Variants in KATNA1 observed in about 807,000 individuals in gnomAD.
KATNA1 encodes the protein katanin p60 ATPase-containing subunit A1.
Under a neutral mutation model 62.6 loss-of-function variants are expected in KATNA1, and 42 were observed. The ratio of observed to expected loss-of-function variants is 0.67; its 90% CI spans 0.52 to 0.87. The LOEUF is 0.87. KATNA1 is among the 40% of genes least tolerant of loss of function. The pLI, the probability that KATNA1 is intolerant of heterozygous loss-of-function variation, is 0.00. For missense variants in KATNA1, 498 were observed against 612.5 expected (o/e 0.81, Z 1.97); for synonymous variants, 186 against 201.9 (o/e 0.92, Z 0.67).
At chr6:149,609,867 G>A (rs1392540502) in intron 4 of KATNA1, among the ~76,000 whole-genome samples, 2 of 148,590 alleles carry the variant, frequency 1.3e-5, no homozygotes, top group Admixed American at 6.9e-5. Flanking sequence ...TTGGGAGGCC[G>A]AGGCAGGCGA....
chr6:149,644,230 T>C (rs541975155), intron 1 of KATNA1, among the ~76,000 whole-genome samples: 1 of 152,232 alleles, frequency 6.6e-6, no homozygotes, highest in East Asian at 1.9e-4. Flanking sequence ...TGAGCTTGGA[T>C]GTCAAAAGCC....
At chr6:149,647,547 A>G (rs998955178) in intron 1 of KATNA1, among the ~76,000 whole-genome samples, 1 of 138,824 alleles carries the variant, frequency 7.2e-6, no homozygotes, top group African/African-American at 2.7e-5. Context: ...AAAAAAAAAA[A>G]GAACAAAACC....
intron 1 of KATNA1, among the ~76,000 whole-genome samples, chr6:149,646,343 C>A (rs1780488675): frequency 6.6e-6 from 1 of 152,086 alleles, no homozygotes; most frequent in Non-Finnish European, 1.5e-5. Flanking sequence ...TTTTTAAATA[C>A]CTCTCTGTAA....
At chr6:149,619,411 G>C (rs1192158454) in intron 4 of KATNA1, among the ~76,000 whole-genome samples, 2 of 152,106 alleles carry the variant, frequency 1.3e-5, no homozygotes, top group African/African-American at 2.4e-5. Context: ...TCAGGGGTTC[G>C]AGACCAGACT....
chr6:149,635,493 G>A (rs911552232), intron 2 of KATNA1, among the ~76,000 whole-genome samples: 3 of 152,136 alleles, frequency 2.0e-5, no homozygotes, highest in African/African-American at 7.2e-5. Flanking sequence ...ATCACCTGAG[G>A]TCAGGAGTTC....
At chr6:149,640,046 G>A (rs1025358258) in intron 1 of KATNA1, among the ~76,000 whole-genome samples, 1 of 152,118 alleles carries the variant, frequency 6.6e-6, no homozygotes. Context: ...CCTTAATCAA[G>A]TCCCTTAACT....
In KATNA1 at chr6:149,632,785, C is replaced by T. The variant is rs768069404; in HGVS notation, c.294G>A (p.Trp98Ter). ...TTCGTTCAACAGGTACAGGCATGGACCAGACTTCTCCCTCAGAAGCTGGAA... is the reference window on the plus strand; with the variant it reads ...TTCGTTCAACAGGTACAGGCATGGATCAGACTTCTCCCTCAGAAGCTGGAA... ...HDLPASEGEV[W>*]SMPVPVERRP... Residue 98 changes from tryptophan to a stop codon, truncating the protein, a stop_gained, in exon 3 of 11, where the codon TGG becomes TGA. Transcript: ENST00000367411. LOFTEE classifies it high-confidence loss of function. 4.3e-6 allele frequency: 7 copies of T among 1,613,262 alleles called. No homozygotes were observed. The South Asian group carries it at 7.7e-5, about 18-fold the overall frequency.
intron 3 of KATNA1, among the ~76,000 whole-genome samples, chr6:149,631,903 A>G (rs897036342): frequency 2.6e-5 from 4 of 152,188 alleles, no homozygotes; most frequent in Admixed American, 2.0e-4. Context: ...GAAGTTGGGG[A>G]AAAAAAGCCA....
chr6:149,607,410 G>C (rs879739702), intron 4 of KATNA1, among the ~76,000 whole-genome samples: 1 of 152,146 alleles, frequency 6.6e-6, no homozygotes, highest in Non-Finnish European at 1.5e-5. Context: ...CCAGGAGTTC[G>C]AGATCAGGCT....
At chr6:149,605,851 C>T (rs1778716179) in intron 4 of KATNA1, among the ~76,000 whole-genome samples, 2 of 152,100 alleles carry the variant, frequency 1.3e-5, no homozygotes, top group South Asian at 4.1e-4. Flanking sequence ...TCATTGCAAC[C>T]TCCACCTCCT....
At chr6:149,598,473 C>A in intron 7 of KATNA1, 123 bp from the exon 8 acceptor site, 1 of 886,188 alleles carries the variant, frequency 1.1e-6, no homozygotes, top group Non-Finnish European at 1.7e-6. Flanking sequence ...ACCTGTAATC[C>A]CAACACTGGG....
intron 3 of KATNA1, among the ~76,000 whole-genome samples, chr6:149,626,900 C>G (rs945057440): frequency 2.6e-5 from 4 of 151,724 alleles, no homozygotes; most frequent in Non-Finnish European, 4.4e-5. Flanking sequence ...GGAAGAATCG[C>G]TTGAACCCGG....
chr6:149,619,834 G>A (rs1039557036), intron 4 of KATNA1, among the ~76,000 whole-genome samples: 1 of 152,006 alleles, frequency 6.6e-6, no homozygotes, highest in Non-Finnish European at 1.5e-5. Flanking sequence ...AGATTATATG[G>A]TAGTTCTAGT....
chr6:149,601,495 G>T, intron 7 of KATNA1, 99 bp downstream of exon 7: 1 of 1,054,726 alleles, frequency 9.5e-7, no homozygotes. Flanking sequence ...GGGCAAAATG[G>T]CATCCTGCCT....
intron 7 of KATNA1, among the ~76,000 whole-genome samples, chr6:149,601,145 G>A (rs1562280206): frequency 2.6e-5 from 4 of 152,094 alleles, no homozygotes; most frequent in African/African-American, 7.2e-5. Context: ...ATTTGTATTG[G>A]TGGAAGAAAG....
intron 1 of KATNA1, among the ~76,000 whole-genome samples, chr6:149,642,058 A>C (rs1780312120): frequency 6.6e-6 from 1 of 152,110 alleles, no homozygotes; most frequent in Non-Finnish European, 1.5e-5. Context: ...GCTCACCACC[A>C]TGCCCAGCTA....
At chr6:149,629,311 A>C (rs189266137) in intron 3 of KATNA1, among the ~76,000 whole-genome samples, 2 of 152,244 alleles carry the variant, frequency 1.3e-5, no homozygotes, top group Admixed American at 1.3e-4. Flanking sequence ...TAAGGAAGTA[A>C]GTAAGAGTCC....
chr6:149,605,472 A>G (rs1778703663), intron 4 of KATNA1, among the ~76,000 whole-genome samples: 1 of 152,156 alleles, frequency 6.6e-6, no homozygotes, highest in Admixed American at 6.5e-5. Flanking sequence ...TCCCTCATCA[A>G]TGCTCCTAAA....
chr6:149,639,127 C>T (rs1429628256), intron 1 of KATNA1, among the ~76,000 whole-genome samples: 1 of 152,110 alleles, frequency 6.6e-6, no homozygotes, highest in Admixed American at 6.5e-5. Flanking sequence ...TGGCGAAACC[C>T]TGTCTCTACT....
Sources: allele counts gnomAD v4.1 joint callset (sites outside exome capture counted in the v4.1 genomes callset), GRCh38; gene constraint gnomAD v4.1.1; transcripts MANE v1.5; gene names NCBI Gene and HGNC (gene_info 2026-07-23, HGNC 2026-07-21).